Variants in CTBP2 observed in about 807,000 individuals in gnomAD.
The protein encoded by CTBP2 is C-terminal binding protein 2.
A neutral mutation model predicts 80.3 loss-of-function variants in CTBP2; 30 were observed. The ratio of observed to expected loss-of-function variants is 0.37; its 90% CI spans 0.28 to 0.51. CTBP2 has a LOEUF of 0.51. Among genes scored for constraint, CTBP2 ranks in the 20% least tolerant of loss-of-function variants. The probability of loss-of-function intolerance (pLI) is 0.93; values close to 1 mark genes in which losing one functional copy is unlikely to be tolerated. For synonymous variants in CTBP2, 594 were observed against 587.4 expected (o/e 1.01, Z -0.16); for missense variants, 1,212 against 1,375.3 (o/e 0.88, Z 1.88).
intron 2 of CTBP2, among the ~76,000 whole-genome samples, chr10:125,050,110 A>G (rs1158163747): frequency 1.3e-5 from 2 of 152,218 alleles, no homozygotes; most frequent in Non-Finnish European, 2.9e-5. Context: ...CTCAGACCTC[A>G]GGAGTGGAGG....
intron 2 of CTBP2, among the ~76,000 whole-genome samples, chr10:125,099,019 G>T (rs1190639228): frequency 6.6e-6 from 1 of 152,176 alleles, no homozygotes; most frequent in Non-Finnish European, 1.5e-5. Context: ...CTTTCCACGC[G>T]CTGTCGGTCT....
chr10:125,032,249 C>T (rs899621722), upstream of CTBP2, among the ~76,000 whole-genome samples: 1 of 152,178 alleles, frequency 6.6e-6, no homozygotes, highest in East Asian at 1.9e-4. Context: ...CGGCACAAGA[C>T]GCTCCGCACA....
intron 2 of CTBP2, among the ~76,000 whole-genome samples, chr10:125,053,279 C>T (rs1963194911): frequency 6.6e-6 from 1 of 152,024 alleles, no homozygotes; most frequent in African/African-American, 2.4e-5. Context: ...AGTGCATTGT[C>T]AACACAAAGG....
chr10:125,101,008 G>A (rs1352577062), intron 2 of CTBP2, among the ~76,000 whole-genome samples: 3 of 152,178 alleles, frequency 2.0e-5, no homozygotes, highest in Admixed American at 2.0e-4. Context: ...AAAGTAATGT[G>A]ATATTACATC....
intron 2 of CTBP2, among the ~76,000 whole-genome samples, chr10:125,055,097 T>C (rs1963611259): frequency 6.6e-6 from 1 of 152,180 alleles, no homozygotes. Context: ...ACATTAAGAA[T>C]GCAGCCTCCT....
At chr10:125,155,770 TG>T (rs1413056589) in intron 1 of CTBP2, among the ~76,000 whole-genome samples, 1 of 152,036 alleles carries the variant, frequency 6.6e-6, no homozygotes, top group Non-Finnish European at 1.5e-5. Flanking sequence ...AAAGATGAGG[TG>T]GGGAGGAGAA....
At chr10:125,133,071 C>G (rs1856434631) in intron 1 of CTBP2, among the ~76,000 whole-genome samples, 1 of 152,196 alleles carries the variant, frequency 6.6e-6, no homozygotes, top group South Asian at 2.1e-4. Flanking sequence ...CACCTGCTTG[C>G]TAAATCTCCT....
chr10:125,122,241 T>G (rs1301347505), intron 1 of CTBP2, among the ~76,000 whole-genome samples: 1 of 152,242 alleles, frequency 6.6e-6, no homozygotes, highest in African/African-American at 2.4e-5. Context: ...TTGGAAAGAA[T>G]GGACAACCTT....
intron 1 of CTBP2, among the ~76,000 whole-genome samples, chr10:125,136,959 G>A (rs1048105342): frequency 6.6e-5 from 10 of 152,204 alleles, no homozygotes; most frequent in Non-Finnish European, 1.2e-4. Context: ...AGCAGGAGCT[G>A]CCTTTGGTGG....
rs1006473918 is a variant in CTBP2 at position 124,984,635 on chromosome 10, A to G, written c.*4883T>C. On this transcript the variant is annotated 3_prime_UTR_variant, in exon 9 of 9. Coordinates refer to ENST00000309035, the MANE Select transcript of CTBP2 (RefSeq NM_022802.3). ...GGACTTTAATCACAAAACTTCCAAG[A>G]GGTCAAAACCATGTGAAAAGTTGAT... 2.9e-5 allele frequency: 22 copies of G among 767,502 alleles called. No homozygotes were observed. The East Asian group carries it at 5.8e-4, about 20-fold the overall frequency. 47.5% of individuals were successfully genotyped at this position (767,502 alleles called of 1,614,324 possible). A position where few individuals can be genotyped will look rare whatever the true frequency, so the allele number is the denominator to read the frequency against.
chr10:125,106,259 TG>T (rs66499926), intron 2 of CTBP2, among the ~76,000 whole-genome samples: 30,288 of 152,102 alleles, frequency 0.2, 4,008 homozygotes, highest in African/African-American at 0.37. Flanking sequence ...ACCCTGGGTG[TG>T]GGGACGGTAC....
intron 1 of CTBP2, among the ~76,000 whole-genome samples, chr10:125,136,650 T>G (rs757648483): frequency 6.6e-6 from 1 of 152,174 alleles, no homozygotes; most frequent in Non-Finnish European, 1.5e-5. Context: ...CCTCCCTACT[T>G]AGGCCTCTTT....
chr10:124,990,951 G>A (rs868405125), intron 8 of CTBP2, among the ~76,000 whole-genome samples: 1 of 152,234 alleles, frequency 6.6e-6, no homozygotes, highest in South Asian at 2.1e-4. Flanking sequence ...AAGCCACCCA[G>A]TCTATGCTAC....
At position 124,988,609 on chromosome 10, in the gene CTBP2, G is replaced by A. The variant is rs79315685; in HGVS notation, c.*909C>T. On this transcript the variant is annotated 3_prime_UTR_variant, in exon 9 of 9. Transcript: ENST00000309035. Reference sequence around the variant, plus strand: ...GTAACTAGTTGATACAAATCTAATAGGATTTGTTAAAATCAGTCACATCTA... The same window carrying A: ...GTAACTAGTTGATACAAATCTAATAAGATTTGTTAAAATCAGTCACATCTA... 6.6e-6 allele frequency: 1 copy of A among 152,568 alleles called. No homozygotes were observed. Among genetic ancestry groups the A allele is most frequent in the Non-Finnish European group, 1.5e-5 (1 of 68,026 alleles). 9.5% of individuals were successfully genotyped at this position (152,568 alleles called of 1,614,324 possible). A position where few individuals can be genotyped will look rare whatever the true frequency, so the allele number is the denominator to read the frequency against.
rs115704294 is a variant in CTBP2, at chr10:125,134,687, T to C, written c.-205-23594A>G. Among the ~76,000 whole-genome samples the C allele has an allele frequency of 3.7e-3, 567 of 152,198 alleles. 3 individuals carry two copies. The highest frequency in any genetic ancestry group is 0.013 in the African/African-American group (543 of 41,542). On this transcript the variant is annotated intron_variant, in intron 1 of 10. Coordinates refer to the CTBP2 transcript ENST00000337195. ...GCGGCGCGGGAGGACGAAGAGAACCTGACCAATGAGGGAGGGTGAAGCGCC... is the reference window on the plus strand; with the variant it reads ...GCGGCGCGGGAGGACGAAGAGAACCCGACCAATGAGGGAGGGTGAAGCGCC...
At chr10:125,156,764 CTGTT>C (rs771036005) in intron 1 of CTBP2, among the ~76,000 whole-genome samples, 22 of 152,284 alleles carry the variant, frequency 1.4e-4, no homozygotes, top group Middle Eastern at 3.4e-3. Context: ...TTTGTTGTTG[CTGTT>C]TGTTTGTTTC....
intron 2 of CTBP2, among the ~76,000 whole-genome samples, chr10:125,045,417 G>A (rs1023212022): frequency 1.3e-5 from 2 of 151,284 alleles, no homozygotes; most frequent in African/African-American, 4.8e-5. Context: ...GGAATTAAGA[G>A]GGTGTCTGAC....
chr10:125,158,134 A>C (rs1328645909), intron 1 of CTBP2, among the ~76,000 whole-genome samples: 3 of 152,126 alleles, frequency 2.0e-5, no homozygotes, highest in Non-Finnish European at 4.4e-5. Context: ...AAGTCTCATT[A>C]CTTCAAAATA....
chr10:125,101,501 C>A (rs75850966), intron 2 of CTBP2, among the ~76,000 whole-genome samples: 507 of 152,332 alleles, frequency 3.3e-3, no homozygotes, highest in Non-Finnish European at 6.0e-3. Flanking sequence ...CAACTAAAAC[C>A]CCAATGCGTG....
Sources: gnomAD v4.1 joint callset for allele counts (sites outside exome capture counted in the v4.1 genomes callset) on GRCh38, gnomAD v4.1.1 for gene constraint, MANE v1.5 for transcripts, NCBI Gene and HGNC (gene_info 2026-07-23, HGNC 2026-07-21) for gene names.